Variants in ATRX observed in about 807,000 individuals in gnomAD.
ATRX encodes the protein chromatin remodeler ATRX.
Under a neutral mutation model 172.6 loss-of-function variants are expected in ATRX, and 12 were observed. The observed-to-expected ratio is 0.07, with a 90% confidence interval of 0.04 to 0.11. ATRX has a LOEUF of 0.11. ATRX is among the 10% of genes least tolerant of loss of function. The pLI, the probability that ATRX is intolerant of heterozygous loss-of-function variation, is 1.00. For missense variants in ATRX, 1,368 were observed against 1,767.4 expected (o/e 0.77, Z 4.05); for synonymous variants, 674 against 594.7 (o/e 1.13, Z -1.94).
intron 16 of ATRX, among the ~76,000 whole-genome samples, chrX:77,635,418 T>C (rs782500042): frequency 8.9e-6 from 1 of 112,060 alleles, no homozygotes; most frequent in Non-Finnish European, 1.9e-5. Flanking sequence ...TTCATCATCT[T>C]TTCCTTTATT....
At chrX:77,686,648 G>A (rs2071576606) in intron 7 of ATRX, among the ~76,000 whole-genome samples, 1 of 111,079 alleles carries the variant, frequency 9.0e-6, no homozygotes, top group South Asian at 3.8e-4. Flanking sequence ...CCCTGAGGCG[G>A]AGGTTGCAGT....
At chrX:77,554,734 C>T (rs781935088) in intron 30 of ATRX, among the ~76,000 whole-genome samples, 61 of 111,778 alleles carry the variant, frequency 5.5e-4, no homozygotes, top group African/African-American at 1.9e-3. Context: ...TATCTGAATG[C>T]TCCATCCTTC....
Position 77,682,211 on chromosome X carries a change from G to A in ATRX, c.3045C>T (p.Gly1015=), listed in dbSNP as rs782436998. Residue 1015 remains glycine, a synonymous_variant, in exon 9 of 35, where the codon GGC becomes GGT. Coordinates refer to ENST00000373344, the MANE Select transcript of ATRX (RefSeq NM_000489.6). ...MEQQYESSSD[G]TEKLPEREEI... The stretch of plus-strand genomic sequence containing the variant: ...CTTCTCGCTCAGGTAACTTTTCAGT[G>A]CCATCAGATGAAGATTCATACTGTT... 11 of 1,209,862 alleles carry A rather than the reference G, an allele frequency of 9.1e-6. No individual in the cohort carries two copies.
rs782703740 is a variant in ATRX at position 77,665,445 on chromosome X, G to A, written c.3810-667C>T. On this transcript the variant is annotated intron_variant, in intron 10 of 34. Transcript: ENST00000373344. ...ATTACATACATGGTAAAAAGAACAC[G>A]AATTACCATAAATGGGTTACTTTAA... 9.9e-5 allele frequency among the ~76,000 whole-genome samples: 11 copies of A among 111,354 alleles called. No homozygotes were observed. In the South Asian group the frequency reaches 3.4e-3, roughly 34 times the overall value.
chrX:77,575,994 C>T (rs1486763846), intron 27 of ATRX, among the ~76,000 whole-genome samples: 1 of 111,216 alleles, frequency 9.0e-6, no homozygotes, highest in African/African-American at 3.3e-5. Context: ...TTAAATCTTG[C>T]TCAGTGCTCA....
Position 77,580,561 on chromosome X carries a change from A to G in ATRX, c.6218-6203T>C, listed in dbSNP as rs188522518. 6.4e-4 allele frequency among the ~76,000 whole-genome samples: 72 copies of G among 112,037 alleles called. No homozygotes were observed. In the East Asian group the frequency reaches 0.017, roughly 27 times the overall value. ...TTTCACCCTAGAATTATATAAATGG[A>G]AAAAATAACCTCTAAACATAAAAGA... On this transcript the variant is annotated intron_variant, in intron 27 of 34. Transcript: ENST00000373344.
chrX:77,724,323 TG>T (rs1315322823), intron 1 of ATRX, among the ~76,000 whole-genome samples: 2 of 100,534 alleles, frequency 2.0e-5, no homozygotes, highest in South Asian at 4.3e-4. Context: ...AGTCCAACAG[TG>T]GAAAAAAAAG....
intron 1 of ATRX, among the ~76,000 whole-genome samples, chrX:77,775,581 G>A (rs1277517856): frequency 9.0e-6 from 1 of 110,964 alleles, no homozygotes; most frequent in Admixed American, 9.7e-5. Flanking sequence ...ATATTCGGGA[G>A]GCTGAGGTGG....
At chrX:77,646,889 C>T (rs1161731076) in intron 15 of ATRX, among the ~76,000 whole-genome samples, 1 of 107,738 alleles carries the variant, frequency 9.3e-6, no homozygotes, top group East Asian at 2.9e-4. Context: ...CGTCACTGCA[C>T]TCCAGCCTGA....
rs201301590 is a variant in ATRX, at chrX:77,684,297, G to C, written c.959C>G (p.Thr320Ser). 8 of 1,207,289 alleles carry C rather than the reference G, an allele frequency of 6.6e-6. No individual in the cohort carries two copies. The highest frequency in any genetic ancestry group is 1.7e-5 in the African/African-American group (1 of 57,300). ...TTCTTCTCCATTACAATTTGAACTA[G>C]TCTTCTTTGGAGAAAATCTGGATGT... Reference protein sequence around the residue: ...EHTSRFSPKKTSSNCNGEEKK... With the variant: ...EHTSRFSPKKSSSNCNGEEKK... Residue 320 changes from threonine to serine, a missense_variant, in exon 9 of 35, where the codon ACT (threonine) becomes AGT (serine). Physicochemically the swap from Thr to Ser is moderately conservative, Grantham distance 58 (BLOSUM62 1). Around this residue, in one of 17 missense-constraint regions of ATRX, gnomAD observed 843 missense variants for 643.1 expected, o/e 1.31. Transcript: ENST00000373344.
chrX:77,509,912 G>GGC (rs1491309446), intron 34 of ATRX, among the ~76,000 whole-genome samples: 3 of 11,956 alleles, frequency 2.5e-4, no homozygotes, highest in Admixed American at 2.7e-3. Context: ...GACGGGGGGC[G>GGC]GGGGGGGGGG....
intron 30 of ATRX, among the ~76,000 whole-genome samples, chrX:77,543,533 C>G (rs782639383): frequency 1.9e-4 from 21 of 111,909 alleles, no homozygotes; most frequent in African/African-American, 6.5e-4. Flanking sequence ...GCACTATTCA[C>G]AATAGCGAAG....
chrX:77,535,117 A>G (rs1472597460), intron 30 of ATRX, among the ~76,000 whole-genome samples: 1 of 112,338 alleles, frequency 8.9e-6, no homozygotes, highest in African/African-American at 3.2e-5. Context: ...TTCAAATTTG[A>G]AGGTTCTTTC....
At chrX:77,637,721 C>T (rs1557108996) in intron 15 of ATRX, among the ~76,000 whole-genome samples, 1 of 109,473 alleles carries the variant, frequency 9.1e-6, no homozygotes, top group African/African-American at 3.3e-5. Context: ...GGGGATGGAT[C>T]GCCTGAGGTC....
chrX:77,757,342 C>T (rs782560742), intron 1 of ATRX, among the ~76,000 whole-genome samples: 1 of 111,648 alleles, frequency 9.0e-6, no homozygotes, highest in East Asian at 2.8e-4. Flanking sequence ...CCACATCATG[C>T]AATTCCAAAT....
intron 1 of ATRX, among the ~76,000 whole-genome samples, chrX:77,765,780 G>A (rs1374333277): frequency 9.2e-6 from 1 of 108,295 alleles, no homozygotes; most frequent in Non-Finnish European, 1.9e-5. Flanking sequence ...TGGAGGGAAG[G>A]TCAGCAGATA....
chrX:77,711,042 A>G (rs1394606491), intron 2 of ATRX, among the ~76,000 whole-genome samples: 1 of 111,999 alleles, frequency 8.9e-6, no homozygotes, highest in Non-Finnish European at 1.9e-5. Flanking sequence ...TTCTAGTTTT[A>G]TATGTTACCA....
intron 21 of ATRX, among the ~76,000 whole-genome samples, chrX:77,617,894 C>CT (rs1238949128): frequency 2.8e-5 from 3 of 108,757 alleles, no homozygotes; most frequent in Admixed American, 9.9e-5. Flanking sequence ...TTTTTTAAAA[C>CT]TTTTTTTAGA....
chrX:77,508,620 A>C lies in ATRX; in HGVS notation c.7210T>G (p.Cys2404Gly). ...CTGTTCATAAGTATTCGCTGAACAC[A>C]GCTGATTAACTATAGAGAAAAAATG... ...VLTKQQMLISCVQRILMNRRL... is the reference protein window; with the variant it reads ...VLTKQQMLISGVQRILMNRRL... Residue 2404 changes from cysteine (C) to glycine (G), a missense_variant, in exon 35 of 35, where the codon TGT (cysteine) becomes GGT (glycine). Physicochemically the swap from Cys to Gly is radical, Grantham distance 159. This residue lies in a region of ATRX where 100 missense variants were observed against 153.9 expected (regional missense o/e 0.65). Coordinates refer to ENST00000373344, the MANE Select transcript of ATRX (RefSeq NM_000489.6). The C allele has an allele frequency of 8.3e-7, 1 of 1,211,988 alleles. No homozygotes were observed. The highest frequency in any genetic ancestry group is 1.7e-5 in the African/African-American group (1 of 57,842).
Sources: allele counts gnomAD v4.1 joint callset (sites outside exome capture counted in the v4.1 genomes callset), GRCh38; gene constraint gnomAD v4.1.1; regional missense constraint gnomAD v4.1.1; transcripts MANE v1.5; gene names NCBI Gene and HGNC (gene_info 2026-07-23, HGNC 2026-07-21).